The following TASP1 variants were observed in gnomAD, a reference collection of about 807,000 sequenced individuals.
TASP1 encodes taspase 1.
TASP1 carries 16 observed loss-of-function variants against 56.6 expected under a neutral mutation model. That is an observed-to-expected ratio of 0.28 (90% CI 0.19 to 0.43). The LOEUF (loss-of-function observed/expected upper bound fraction) is 0.43. Among genes scored for constraint, TASP1 ranks in the 20% least tolerant of loss-of-function variants. The pLI is 1.00. For missense variants in TASP1, 393 were observed against 511.6 expected (o/e 0.77, Z 2.24); for synonymous variants, 179 against 184.2 (o/e 0.97, Z 0.23).
intron 10 of TASP1, among the ~76,000 whole-genome samples, chr20:13,504,495 C>T (rs977465743): frequency 2.0e-5 from 3 of 152,024 alleles, no homozygotes; most frequent in East Asian, 1.9e-4. Flanking sequence ...TGAAAGGATG[C>T]TATTTAGTAA....
intron 10 of TASP1, among the ~76,000 whole-genome samples, chr20:13,508,881 T>G (rs998106291): frequency 6.6e-6 from 1 of 152,152 alleles, no homozygotes; most frequent in African/African-American, 2.4e-5. Context: ...CCTTGTACAC[T>G]GTTGGTGGAA....
chr20:13,622,877 A>G (rs557187439), intron 4 of TASP1, among the ~76,000 whole-genome samples: 1 of 152,298 alleles, frequency 6.6e-6, no homozygotes, highest in Admixed American at 6.5e-5. Context: ...CAAGGTTCCA[A>G]ATCAAGAGAA....
intron 11 of TASP1, among the ~76,000 whole-genome samples, chr20:13,467,735 G>C (rs1011646568): frequency 6.6e-6 from 1 of 152,044 alleles, no homozygotes; most frequent in Non-Finnish European, 1.5e-5. Flanking sequence ...ACATACACAC[G>C]GCCAGGTGCA....
the TASP1 span, among the ~76,000 whole-genome samples, chr20:13,358,131 CT>C: frequency 0.011 from 1,588 of 150,884 alleles, 33 homozygotes; most frequent in African/African-American, 0.036. Flanking sequence ...CCTTGCGACC[CT>C]CACTCCTGCC....
At chr20:13,234,875 A>AT in the TASP1 span, among the ~76,000 whole-genome samples, 1 of 152,076 alleles carries the variant, frequency 6.6e-6, no homozygotes, top group Non-Finnish European at 1.5e-5. Context: ...AGATGCAAAT[A>AT]TTTTTTGCAT....
the TASP1 span, among the ~76,000 whole-genome samples, chr20:13,366,681 GTCT>G: frequency 3.3e-5 from 5 of 152,120 alleles, no homozygotes; most frequent in Non-Finnish European, 7.4e-5. Context: ...TGTGACACAG[GTCT>G]TCTTCATTTC....
Position 13,559,129 on chromosome 20 carries a change from T to TA in TASP1, c.569-16dup, listed in dbSNP as rs2046259390. 1 of 1,456,594 alleles carries TA rather than the reference T, an allele frequency of 6.9e-7. No individual in the cohort carries two copies. The highest frequency in any genetic ancestry group is 9.3e-7 in the Non-Finnish European group (1 of 1,079,320). 90.2% of individuals were successfully genotyped at this position (1,456,594 alleles called of 1,614,324 possible). ...TAAACTGAATCCTATAAAATAAAAATAAAAAACATTAAATATAACATTTAA... is the reference window on the plus strand; with the variant it reads ...TAAACTGAATCCTATAAAATAAAAATAAAAAAACATTAAATATAACATTTAA... On this transcript the variant is annotated splice_polypyrimidine_tract_variant and intron_variant, in intron 7 of 13. Transcript: ENST00000337743.
At chr20:13,543,410 C>A (rs1021642039) in intron 8 of TASP1, among the ~76,000 whole-genome samples, 3 of 152,234 alleles carry the variant, frequency 2.0e-5, no homozygotes, top group Admixed American at 2.0e-4. Context: ...ATCAGTCTGG[C>A]CAACATGGAG....
At chr20:13,501,089 GA>G (rs935198753) in intron 10 of TASP1, among the ~76,000 whole-genome samples, 2 of 151,860 alleles carry the variant, frequency 1.3e-5, no homozygotes, top group African/African-American at 2.4e-5. Flanking sequence ...ATTATTGAAA[GA>G]AAAAAGCCAA....
chr20:13,618,613 A>C (rs938430189), intron 4 of TASP1, among the ~76,000 whole-genome samples: 1 of 152,204 alleles, frequency 6.6e-6, no homozygotes, highest in Non-Finnish European at 1.5e-5. Flanking sequence ...AAGACAATGA[A>C]CTGTTTTTAA....
chr20:13,601,622 C>A (rs973854458), intron 4 of TASP1, among the ~76,000 whole-genome samples: 3 of 152,112 alleles, frequency 2.0e-5, no homozygotes, highest in Admixed American at 6.6e-5. Flanking sequence ...TGAAGCAAAA[C>A]TCCCCACTCC....
intron 7 of TASP1, among the ~76,000 whole-genome samples, chr20:13,565,910 CATT>C (rs2046512092): frequency 6.6e-6 from 1 of 152,180 alleles, no homozygotes; most frequent in African/African-American, 2.4e-5. Context: ...TTCACAGTAG[CATT>C]ATGCATGACA....
At position 13,604,663 on chromosome 20, in the gene TASP1, G is replaced by A. The variant is rs192553270; in HGVS notation, c.283-17293C>T. 5.2e-4 allele frequency among the ~76,000 whole-genome samples: 79 copies of A among 152,148 alleles called. No individual in the cohort carries two copies. The East Asian group carries it at 0.015, about 28-fold the overall frequency. ...GTCTGCCTTACCACCTTTCACACGG[G>A]TCATAAATAATTTTTTCATTAACAG... is the stretch of plus-strand genomic sequence containing the variant. On this transcript the variant is annotated intron_variant, in intron 4 of 13. Coordinates refer to ENST00000337743, the MANE Select transcript of TASP1 (RefSeq NM_017714.3).
At chr20:13,421,137 G>A (rs929460567) in intron 12 of TASP1, among the ~76,000 whole-genome samples, 2 of 131,508 alleles carry the variant, frequency 1.5e-5, no homozygotes, top group African/African-American at 5.7e-5. Context: ...TTTTAAGACA[G>A]AGTTTTACTC....
rs191151868 is a variant in TASP1, at chr20:13,600,019, G to A, written c.283-12649C>T. ...AGTAATAAACTATTGGAAATTAAAT[G>A]TTTTTAATATCAATTATCATAGCAT... On this transcript the variant is annotated intron_variant, in intron 4 of 13. Transcript: ENST00000337743. Among the ~76,000 whole-genome samples the A allele has an allele frequency of 2.8e-3, 429 of 152,078 alleles. 1 individual carries two copies. The highest frequency in any genetic ancestry group is 9.7e-3 in the African/African-American group (401 of 41,494).
At chr20:13,221,866 C>G in the TASP1 span, 1 of 1,418,620 alleles carries the variant, frequency 7.0e-7, no homozygotes. Flanking sequence ...CGGGAGCCGC[C>G]GACGGGCCCG....
chr20:13,154,547 C>T, the TASP1 span, among the ~76,000 whole-genome samples: 5 of 152,252 alleles, frequency 3.3e-5, no homozygotes, highest in East Asian at 5.8e-4. Context: ...ACTCTGCAGC[C>T]GTCCTCAGAA....
At chr20:13,406,668 CTTTTT>C (rs149352395) in intron 13 of TASP1, among the ~76,000 whole-genome samples, 4 of 117,684 alleles carry the variant, frequency 3.4e-5, no homozygotes, top group Non-Finnish European at 1.8e-5. Flanking sequence ...AGGGTTTTTT[CTTTTT>C]TTTTTTTTTT....
chr20:13,163,161 A>G, the TASP1 span, among the ~76,000 whole-genome samples: 1 of 152,106 alleles, frequency 6.6e-6, no homozygotes, highest in Non-Finnish European at 1.5e-5. Flanking sequence ...TGAGGTCAGG[A>G]GTTCGAGACC....
Sources: gnomAD v4.1 joint callset for allele counts (sites outside exome capture counted in the v4.1 genomes callset) on GRCh38, gnomAD v4.1.1 for gene constraint, MANE v1.5 for transcripts, NCBI Gene and HGNC (gene_info 2026-07-23, HGNC 2026-07-21) for gene names.